The following TP53BP1 variants were observed in gnomAD, a reference collection of about 807,000 sequenced individuals.
TP53BP1 encodes tumor protein p53 binding protein 1.
A neutral mutation model predicts 200.8 loss-of-function variants in TP53BP1; 61 were observed. The ratio of observed to expected loss-of-function variants is 0.30; its 90% confidence interval spans 0.25 to 0.38. TP53BP1 has a LOEUF of 0.38. Ranked by LOEUF, TP53BP1 falls within the 10% of genes least tolerant of loss-of-function variation. The pLI is 1.00. For synonymous variants in TP53BP1, 822 were observed against 844.3 expected, an observed-to-expected ratio of 0.97 and a Z score of 0.46; for missense variants, 2,144 against 2,371.9, an observed-to-expected ratio of 0.90 and a Z score of 2.00.
At chr15:43,500,139 C>T (rs1288301320) in intron 1 of TP53BP1, among the ~76,000 whole-genome samples, 1 of 152,210 alleles carries the variant, frequency 6.6e-6, no homozygotes, top group Non-Finnish European at 1.5e-5. Flanking sequence ...ATCTAACTGC[C>T]TATTCAATAT....
intron 26 of TP53BP1, chr15:43,408,331 A>G (rs1164707366): frequency 2.5e-6 from 1 of 400,234 alleles, no homozygotes; most frequent in Non-Finnish European, 4.6e-6. Flanking sequence ...CAACAAAAAA[A>G]TTAGCTGGGT....
At chr15:43,479,714 T>C (rs779275115) in intron 6 of TP53BP1, 145 bp downstream of exon 6, 22 of 1,187,564 alleles carry the variant, frequency 1.9e-5, no homozygotes, top group Non-Finnish European at 2.5e-5. Flanking sequence ...AATTGACAAG[T>C]ATTTACCAGA....
chr15:43,493,588 C>T (rs900356081), upstream of TP53BP1, among the ~76,000 whole-genome samples: 1 of 152,090 alleles, frequency 6.6e-6, no homozygotes, highest in African/African-American at 2.4e-5. Context: ...AGCTGGTGAA[C>T]CCAACAGAAG....
At chr15:43,499,297 A>G (rs980672104) in intron 1 of TP53BP1, among the ~76,000 whole-genome samples, 1 of 152,328 alleles carries the variant, frequency 6.6e-6, no homozygotes, top group Non-Finnish European at 1.5e-5. Context: ...ATGAGAATCA[A>G]AAACTATCAG....
chr15:43,467,582 T>G (rs1302666071), intron 11 of TP53BP1, among the ~76,000 whole-genome samples: 1 of 152,122 alleles, frequency 6.6e-6, no homozygotes, highest in Non-Finnish European at 1.5e-5. Flanking sequence ...AGCAATTCCT[T>G]CAACAGTGCC....
chr15:43,475,881 A>C (rs1297306916), intron 8 of TP53BP1, among the ~76,000 whole-genome samples, 187 bp from the exon 9 acceptor site: 1 of 152,246 alleles, frequency 6.6e-6, no homozygotes, highest in African/African-American at 2.4e-5. Context: ...TTGAGTGAAC[A>C]TTAACCACCC....
chr15:43,489,489 G>A (rs575845542), intron 4 of TP53BP1, among the ~76,000 whole-genome samples: 2 of 152,352 alleles, frequency 1.3e-5, no homozygotes, highest in South Asian at 4.1e-4. Flanking sequence ...TAACATAGAT[G>A]AGTGAAGCAG....
At chr15:43,473,921 G>A (rs1359011852) in intron 10 of TP53BP1, among the ~76,000 whole-genome samples, 4 of 152,370 alleles carry the variant, frequency 2.6e-5, no homozygotes, top group Non-Finnish European at 5.9e-5. Flanking sequence ...CCGTGGAGCA[G>A]GGGGCAGTGC....
At chr15:43,430,072 CA>C (rs2045635265) in intron 17 of TP53BP1, among the ~76,000 whole-genome samples, 1 of 152,116 alleles carries the variant, frequency 6.6e-6, no homozygotes, top group African/African-American at 2.4e-5. Context: ...TTACTCACTT[CA>C]AATACTCTTC....
chr15:43,479,797 T>C, intron 6 of TP53BP1, 62 bp downstream of exon 6: 1 of 1,570,790 alleles, frequency 6.4e-7, no homozygotes, highest in African/African-American at 1.4e-5. Flanking sequence ...AAAGAAAAAA[T>C]AACTACCTCT....
intron 15 of TP53BP1, among the ~76,000 whole-genome samples, chr15:43,439,217 C>A (rs149498062): frequency 6.6e-6 from 1 of 152,186 alleles, no homozygotes; most frequent in Non-Finnish European, 1.5e-5. Flanking sequence ...GTAATTTGAA[C>A]AGAGTACAGT....
intron 4 of TP53BP1, among the ~76,000 whole-genome samples, chr15:43,491,100 G>A (rs762604702): frequency 3.4e-5 from 5 of 148,818 alleles, no homozygotes; most frequent in African/African-American, 7.4e-5. Flanking sequence ...TTGCTGAGAC[G>A]GAGTCTCACT....
intron 11 of TP53BP1, among the ~76,000 whole-genome samples, chr15:43,459,479 C>A (rs1184945482): frequency 6.6e-6 from 1 of 151,948 alleles, no homozygotes; most frequent in African/African-American, 2.4e-5. Flanking sequence ...AACCAAATGT[C>A]CTATCAATTG....
At chr15:43,455,816 G>A in intron 12 of TP53BP1, 76 bp downstream of exon 12, 1 of 1,520,138 alleles carries the variant, frequency 6.6e-7, no homozygotes. Context: ...CCTGACATAA[G>A]CATGCAGTTC....
At position 43,416,218 on chromosome 15, in the gene TP53BP1, G is replaced by C. The variant is rs758773641; in HGVS notation, c.4873+7C>G. ...AAAAGCAGCTGTTCAGGAAGCAAAA[G>C]TCTTACCTAAGCTGATATCTGCTGC... On this transcript the variant is annotated splice_region_variant and intron_variant, in intron 22 of 27. Coordinates refer to ENST00000382044, the MANE Select transcript of TP53BP1 (RefSeq NM_001141980.3). 1.2e-6 allele frequency: 2 copies of C among 1,610,302 alleles called. No homozygotes were observed. Among genetic ancestry groups the C allele is most frequent in the Non-Finnish European group, 1.7e-6 (2 of 1,178,786 alleles).
chr15:43,481,050 G>A (rs373207387), intron 4 of TP53BP1, 28 bp from the exon 5 acceptor site: 514 of 1,613,538 alleles, frequency 3.2e-4, no homozygotes, highest in Non-Finnish European at 4.0e-4. Context: ...ATAATCATGT[G>A]TTCCCAGATA....
At chr15:43,472,231 T>G (rs2140098999) in intron 10 of TP53BP1, among the ~76,000 whole-genome samples, 1 of 152,310 alleles carries the variant, frequency 6.6e-6, no homozygotes, top group South Asian at 2.1e-4. Context: ...AACACCTCCT[T>G]CTTAGGATGT....
chr15:43,420,544 C>A lies in TP53BP1; in HGVS notation c.4442G>T (p.Gly1481Val), dbSNP rs755018474. ...ATTTCCTGGAGAGGAGGCATCTAAG[C>A]CATCAGAAGGGCCAGCAGCAGCCTG... ...PFQAAAGPSD[G>V]LDASSPGNSF... Residue 1481 changes from glycine (G) to valine (V), a missense_variant, in exon 21 of 28, where the codon GGC (glycine) becomes GTC (valine). Transcript: ENST00000382044. 3.1e-6 allele frequency: 5 copies of A among 1,614,154 alleles called. No individual in the cohort carries two copies. In the South Asian group the frequency reaches 4.4e-5, roughly 14 times the overall value.
At position 43,421,040 on chromosome 15, in the gene TP53BP1, C is replaced by T. The variant is rs1273385388; in HGVS notation, c.4235G>A (p.Arg1412Gln). 1.9e-6 allele frequency: 3 copies of T among 1,613,196 alleles called. No homozygotes were observed. The highest frequency in any genetic ancestry group is 2.5e-6 in the Non-Finnish European group (3 of 1,179,636). ...ACCCAGGTACCTGGTTCCAGTGGTC[C>T]GAGAAGGTGGGCGGCCCCTTCGCCC... ...GRGRRGRPPS[R>Q]TTGTRETAVP... Residue 1412 changes from arginine to glutamine, a missense_variant, in exon 20 of 28, where the codon CGG becomes CAG. By Grantham distance (43) the Arg-to-Gln change is conservative. Coordinates refer to ENST00000382044, the MANE Select transcript of TP53BP1 (RefSeq NM_001141980.3).
Sources: gnomAD v4.1 joint callset for allele counts (sites outside exome capture counted in the v4.1 genomes callset) on GRCh38, gnomAD v4.1.1 for gene constraint, MANE v1.5 for transcripts, NCBI Gene and HGNC (gene_info 2026-07-23, HGNC 2026-07-21) for gene names.